TNRC6C: variants seen among roughly 807,000 people sequenced by gnomAD.
TNRC6C encodes trinucleotide repeat containing adaptor 6C, also known as trinucleotide repeat-containing gene 6C protein.
A neutral mutation model predicts 153.7 loss-of-function variants in TNRC6C; 20 were observed. The observed-to-expected ratio is 0.13, with a 90% CI of 0.09 to 0.19. TNRC6C has a LOEUF of 0.19. TNRC6C is among the 10% of genes least tolerant of loss of function. The probability of loss-of-function intolerance (pLI) is 1.00; values close to 1 mark genes in which losing one functional copy is unlikely to be tolerated. For missense variants in TNRC6C, 1,987 were observed against 2,172.0 expected (o/e 0.91, Z 1.69); for synonymous variants, 811 against 841.4 (o/e 0.96, Z 0.63).
chr17:78,083,972 A>C lies in TNRC6C; in HGVS notation c.3477+806A>C, dbSNP rs2073228027. Reference sequence around the variant, plus strand: ...ATTTATTTAGCAATCTTAGCCAGCAACTTCATCACCTAGAAAATGACCAGG... The same window carrying C: ...ATTTATTTAGCAATCTTAGCCAGCACCTTCATCACCTAGAAAATGACCAGG... On this transcript the variant is annotated intron_variant, in intron 11 of 19. Transcript: ENST00000301624. 2.6e-5 allele frequency among the ~76,000 whole-genome samples: 4 copies of C among 152,160 alleles called. No homozygotes were observed. In the South Asian group the frequency reaches 8.3e-4, roughly 32 times the overall value.
chr17:77,992,552 G>C (rs1598657764), intron 1 of TNRC6C, among the ~76,000 whole-genome samples: 1 of 151,860 alleles, frequency 6.6e-6, no homozygotes, highest in African/African-American at 2.4e-5. Flanking sequence ...GTTCACACTT[G>C]GACTGTGTTG....
intron 11 of TNRC6C, 137 bp downstream of exon 13, chr17:78,083,303 C>T: frequency 8.2e-7 from 1 of 1,220,544 alleles, no homozygotes. Context: ...TATTTAAACT[C>T]TTCATGAGTT....
chr17:78,103,217 G>C (rs147145742), intron 18 of TNRC6C, among the ~76,000 whole-genome samples, 197 bp from the exon 22 acceptor site: 1 of 152,092 alleles, frequency 6.6e-6, no homozygotes, highest in Non-Finnish European at 1.5e-5. Context: ...TGTAACTGAA[G>C]CATCCAAGTT....
intron 7 of TNRC6C, among the ~76,000 whole-genome samples, chr17:78,073,871 C>T (rs1368404696): frequency 2.0e-5 from 3 of 152,128 alleles, no homozygotes; most frequent in African/African-American, 4.8e-5. Context: ...AAAACAATGC[C>T]GTCCACCACA....
intron 2 of TNRC6C, among the ~76,000 whole-genome samples, chr17:78,034,046 A>G (rs1054342476): frequency 4.6e-5 from 7 of 151,876 alleles, no homozygotes; most frequent in Admixed American, 3.3e-4. Context: ...CCTACTCTCC[A>G]TGGCCTACTT....
At chr17:78,093,168 T>A (rs1484831520) in intron 15 of TNRC6C, 44 bp downstream of exon 17, 2 of 1,591,956 alleles carry the variant, frequency 1.3e-6, no homozygotes, top group African/African-American at 2.7e-5. Flanking sequence ...CAGGTCAGAA[T>A]GTGCTCCAAG....
At chr17:77,979,257 A>C (rs1331202752) in intron 1 of TNRC6C, among the ~76,000 whole-genome samples, 1 of 152,250 alleles carries the variant, frequency 6.6e-6, no homozygotes, top group Non-Finnish European at 1.5e-5. Flanking sequence ...TAGCTAGAAG[A>C]GAAGAATTTG....
chr17:78,014,906 G>T (rs897735589), intron 1 of TNRC6C, among the ~76,000 whole-genome samples: 3 of 151,836 alleles, frequency 2.0e-5, no homozygotes, highest in Non-Finnish European at 2.9e-5. Context: ...CGTACTCAGA[G>T]CTGTCTTCTG....
chr17:78,041,897 G>T (rs2072303958), intron 2 of TNRC6C, among the ~76,000 whole-genome samples: 2 of 152,190 alleles, frequency 1.3e-5, no homozygotes, highest in South Asian at 4.1e-4. Context: ...TTTACTATTT[G>T]TCAGTGTTAG....
upstream of TNRC6C, among the ~76,000 whole-genome samples, chr17:78,001,505 G>T (rs1368899625): frequency 6.6e-6 from 1 of 152,096 alleles, no homozygotes; most frequent in Non-Finnish European, 1.5e-5. Flanking sequence ...TGAATAATAT[G>T]ATAACATTCA....
intron 13 of TNRC6C, among the ~76,000 whole-genome samples, chr17:78,087,957 T>C (rs1200074653): frequency 3.3e-5 from 5 of 152,200 alleles, no homozygotes; most frequent in Non-Finnish European, 7.3e-5. Flanking sequence ...CAGAAGTTAG[T>C]GAAAGCACTT....
chr17:78,011,516 T>C (rs531759530), intron 1 of TNRC6C, among the ~76,000 whole-genome samples: 1 of 152,368 alleles, frequency 6.6e-6, no homozygotes, highest in East Asian at 1.9e-4. Flanking sequence ...CAGTAGTTCA[T>C]TCCTTTTTAT....
chr17:78,017,255 CTG>C (rs1189781543), intron 1 of TNRC6C, among the ~76,000 whole-genome samples: 1 of 152,174 alleles, frequency 6.6e-6, no homozygotes, highest in African/African-American at 2.4e-5. Flanking sequence ...AAAGAAAAGA[CTG>C]TGTTGGTAGT....
chr17:77,975,502 T>TTA (rs1372604423), intron 1 of TNRC6C, among the ~76,000 whole-genome samples: 2 of 152,210 alleles, frequency 1.3e-5, no homozygotes, highest in African/African-American at 4.8e-5. Context: ...GAGACCTCCC[T>TTA]TATAATTTTG....
At chr17:78,041,354 G>A (rs560052240) in intron 2 of TNRC6C, among the ~76,000 whole-genome samples, 114 of 152,296 alleles carry the variant, frequency 7.5e-4, no homozygotes, top group African/African-American at 2.7e-3. Flanking sequence ...TTTCCCTACT[G>A]TGGTTTCTCT....
At chr17:78,001,558 C>T (rs2071412160), upstream of TNRC6C, among the ~76,000 whole-genome samples, 1 of 152,158 alleles carries the variant, frequency 6.6e-6, no homozygotes, top group African/African-American at 2.4e-5. Flanking sequence ...ACAGATTGGA[C>T]ATCTCAGTAG....
chr17:78,025,672 A>C (rs1598704351), intron 1 of TNRC6C, among the ~76,000 whole-genome samples: 1 of 152,138 alleles, frequency 6.6e-6, no homozygotes, highest in East Asian at 1.9e-4. Context: ...ATTTATATTT[A>C]AGAATCAACT....
chr17:78,090,760 C>T (rs1486510696), intron 13 of TNRC6C, among the ~76,000 whole-genome samples: 1 of 152,198 alleles, frequency 6.6e-6, no homozygotes, highest in Non-Finnish European at 1.5e-5. Flanking sequence ...GGGCAGATGG[C>T]AGCACCCCCG....
intron 18 of TNRC6C, 124 bp from the exon 22 acceptor site, chr17:78,103,290 G>T: frequency 1.7e-6 from 2 of 1,145,594 alleles, no homozygotes; most frequent in Non-Finnish European, 1.2e-6. Flanking sequence ...CATATTATTA[G>T]GCCTTTTAAA....
Sources: allele counts gnomAD v4.1 joint callset (sites outside exome capture counted in the v4.1 genomes callset), GRCh38; gene constraint gnomAD v4.1.1; transcripts MANE v1.5; gene names NCBI Gene and HGNC (gene_info 2026-07-23, HGNC 2026-07-21).